Variants in DDX31 observed in about 807,000 individuals in gnomAD.
DDX31 encodes DEAD-box helicase 31, also known as ATP-dependent DNA helicase DDX31.
DDX31 carries 70 observed loss-of-function variants against 91.3 expected under a neutral mutation model. The ratio of observed to expected loss-of-function variants is 0.77; its 90% CI spans 0.63 to 0.94. The LOEUF (loss-of-function observed/expected upper bound fraction) is 0.94, where lower values mean the gene tolerates loss of function less well. Among genes scored for constraint, DDX31 ranks in the 40% least tolerant of loss-of-function variants. The pLI is 0.00. For synonymous variants in DDX31, 362 were observed against 350.6 expected (o/e 1.03, Z -0.36); for missense variants, 902 against 925.0 (o/e 0.98, Z 0.32).
intron 16 of DDX31, among the ~76,000 whole-genome samples, chr9:132,627,106 T>G (rs1393554815): frequency 6.6e-6 from 1 of 151,850 alleles, no homozygotes; most frequent in Non-Finnish European, 1.5e-5. Context: ...ACTTTTTTCT[T>G]GAGAAAAAAA....
At chr9:132,668,097 C>T (rs552501254) in intron 1 of DDX31, among the ~76,000 whole-genome samples, 6 of 152,076 alleles carry the variant, frequency 3.9e-5, no homozygotes, top group South Asian at 2.1e-4. Flanking sequence ...TCCTTCTCCC[C>T]GCTCCACCCA....
intron 17 of DDX31, among the ~76,000 whole-genome samples, chr9:132,620,283 C>G (rs529051530): frequency 6.6e-6 from 1 of 151,962 alleles, no homozygotes; most frequent in South Asian, 2.1e-4. Context: ...TTAAAGAGAC[C>G]TCAAGCTTAA....
intron 17 of DDX31, among the ~76,000 whole-genome samples, chr9:132,623,319 A>G (rs385304): frequency 0.24 from 36,298 of 151,722 alleles, 5,495 homozygotes; most frequent in African/African-American, 0.41. Flanking sequence ...GCACTTTGGG[A>G]GGCTGAGGCG....
chr9:132,617,746 G>T (rs986381947), intron 18 of DDX31, among the ~76,000 whole-genome samples: 1 of 152,130 alleles, frequency 6.6e-6, no homozygotes, highest in African/African-American at 2.4e-5. Flanking sequence ...ATTACTCAAC[G>T]TGAACTGTGA....
At chr9:132,612,952 G>A (rs893195191) in intron 18 of DDX31, among the ~76,000 whole-genome samples, 3 of 152,114 alleles carry the variant, frequency 2.0e-5, no homozygotes, top group Admixed American at 6.5e-5. Context: ...TCACTATGTT[G>A]TCCAGACTAG....
rs150072483 is a variant in DDX31 at position 132,640,223 on chromosome 9, G to T, written c.1440+1781C>A. The stretch of plus-strand genomic sequence containing the variant: ...ACAGCCCCATGGGGAAGAATGGGGG[G>T]GCTTCTGAGTTTCATTTCTCTGAAG... On this transcript the variant is annotated intron_variant, in intron 14 of 19. Transcript: ENST00000372159. Among the ~76,000 whole-genome samples the T allele has an allele frequency of 6.1e-4, 93 of 152,290 alleles. No homozygotes were observed. In the East Asian group the frequency reaches 0.014, roughly 23 times the overall value.
At chr9:132,612,800 A>G (rs1054545160) in intron 18 of DDX31, among the ~76,000 whole-genome samples, 1 of 152,240 alleles carries the variant, frequency 6.6e-6, no homozygotes, top group Non-Finnish European at 1.5e-5. Context: ...CATGTTTACT[A>G]TGAATGAATG....
intron 19 of DDX31, among the ~76,000 whole-genome samples, chr9:132,600,056 C>T (rs984156132): frequency 6.6e-6 from 1 of 152,228 alleles, no homozygotes; most frequent in Non-Finnish European, 1.5e-5. Flanking sequence ...ATGTGACAAG[C>T]GGGCCCTCCG....
chr9:132,659,840 G>A (rs1426464457), intron 4 of DDX31, 60 bp from the exon 5 acceptor site: 35 of 1,536,064 alleles, frequency 2.3e-5, no homozygotes, highest in African/African-American at 2.7e-5. Context: ...TGGCAGAGAC[G>A]CAGGATACAT....
chr9:132,597,839 G>A (rs1038369189), intron 19 of DDX31, among the ~76,000 whole-genome samples: 1 of 152,182 alleles, frequency 6.6e-6, no homozygotes, highest in East Asian at 1.9e-4. Context: ...CTGGGGTGGA[G>A]GAAGGCAACC....
intron 1 of DDX31, 50 bp from the exon 2 acceptor site, chr9:132,662,745 A>G (rs747104121): frequency 7.5e-6 from 12 of 1,609,478 alleles, no homozygotes; most frequent in Non-Finnish European, 1.0e-5. Context: ...TTAGTCCATG[A>G]AAACAGAGCT....
chr9:132,612,042 C>A (rs751775620), intron 19 of DDX31, 45 bp downstream of exon 19: 1 of 1,585,988 alleles, frequency 6.3e-7, no homozygotes. Context: ...ATCATGTGAA[C>A]GGAGCTCTCT....
Position 132,594,860 on chromosome 9 carries a change from G to C in DDX31, c.*6C>G, listed in dbSNP as rs182619230. ...TCCAGGTTCCACTCGAAGACCCAGA[G>C]AGATTTTAAACTTTCTGGGAAGTCT... On this transcript the variant is annotated 3_prime_UTR_variant, in exon 20 of 20. Transcript: ENST00000372159. The C allele has an allele frequency of 6.2e-7, 1 of 1,611,788 alleles. No homozygotes were observed. The highest frequency in any genetic ancestry group is 8.5e-7 in the Non-Finnish European group (1 of 1,178,970).
In DDX31 at chr9:132,625,644, CAATA is replaced by C; in HGVS notation, c.1713+16_1713+19del. 1 of 1,604,998 alleles carries C rather than the reference CAATA, an allele frequency of 6.2e-7. No individual in the cohort carries two copies. Among genetic ancestry groups the C allele is most frequent in the Middle Eastern group, 1.7e-4 (1 of 6,044 alleles). ...GAGTCACATCTGTTGGCAGCGAGCA[CAATA>C]AATAACAAAACTCACCTGGGCTCCC... On this transcript the variant is annotated intron_variant, in intron 17 of 19. Coordinates refer to ENST00000372159, the MANE Select transcript of DDX31 (RefSeq NM_022779.9).
chr9:132,643,700 A>G (rs1278461866), intron 13 of DDX31, among the ~76,000 whole-genome samples: 1 of 152,232 alleles, frequency 6.6e-6, no homozygotes, highest in East Asian at 1.9e-4. Flanking sequence ...CACACCTGGT[A>G]AAGGGCCGGA....
At chr9:132,660,810 A>AT (rs1317722918) in intron 4 of DDX31, among the ~76,000 whole-genome samples, 4 of 152,096 alleles carry the variant, frequency 2.6e-5, no homozygotes, top group Non-Finnish European at 5.9e-5. Context: ...CATTGAAAAC[A>AT]TTTTTTCAGT....
At chr9:132,638,447 A>G in intron 14 of DDX31, 2 of 1,596,356 alleles carry the variant, frequency 1.3e-6, no homozygotes, top group South Asian at 2.2e-5. Flanking sequence ...CACTTGGGAA[A>G]GTGGGCTTTG....
chr9:132,602,097 G>C (rs897865421), intron 19 of DDX31, among the ~76,000 whole-genome samples: 2 of 152,244 alleles, frequency 1.3e-5, no homozygotes, highest in African/African-American at 4.8e-5. Context: ...CACAGCGTTT[G>C]AATCTCACAG....
rs183323458 is a variant in DDX31 at position 132,599,637 on chromosome 9, T to C, written c.1995-4525A>G. 3.9e-5 allele frequency among the ~76,000 whole-genome samples: 6 copies of C among 152,364 alleles called. No individual in the cohort carries two copies. The East Asian group carries it at 1.2e-3, about 29-fold the overall frequency. Reference sequence around the variant, plus strand: ...GTCCTATAGTGAAATGCCAGAGTATTTTAATTTCTACTCATCAGAAACCTG... The same window carrying C: ...GTCCTATAGTGAAATGCCAGAGTATCTTAATTTCTACTCATCAGAAACCTG... On this transcript the variant is annotated intron_variant, in intron 19 of 19. Transcript: ENST00000372159.
Sources: allele counts gnomAD v4.1 joint callset (sites outside exome capture counted in the v4.1 genomes callset), GRCh38; gene constraint gnomAD v4.1.1; transcripts MANE v1.5; gene names NCBI Gene and HGNC (gene_info 2026-07-23, HGNC 2026-07-21).